Variants in MRNIP observed in about 807,000 individuals in gnomAD.
The protein encoded by MRNIP is MRN complex-interacting protein.
MRNIP carries 30 observed loss-of-function variants against 29.8 expected under a neutral mutation model. That is an observed-to-expected ratio of 1.01 (90% CI 0.75 to 1.36). The LOEUF (loss-of-function observed/expected upper bound fraction) is 1.36. Ranked by LOEUF, MRNIP falls within the 40% of genes most tolerant of loss-of-function variation. The pLI is 0.00. For synonymous variants in MRNIP, 201 were observed against 164.1 expected (o/e 1.23, Z -1.72); for missense variants, 459 against 423.5 (o/e 1.08, Z -0.74).
chr5:179,850,197 C>G (rs1183236940), intron 2 of MRNIP, among the ~76,000 whole-genome samples: 1 of 150,080 alleles, frequency 6.7e-6, no homozygotes, highest in African/African-American at 2.4e-5. Context: ...GCAGATGGTA[C>G]AAGACGGAAT....
In MRNIP at chr5:179,858,661, C is replaced by A. The variant is rs116492472; in HGVS notation, c.66+70G>T. The A allele has an allele frequency of 3.7e-3, 3,860 of 1,053,516 alleles. 103 individuals are homozygous for A. In the African/African-American group the frequency reaches 0.055, roughly 15 times the overall value. The allele number at this position is 1,053,516 out of a possible 1,614,324, so 65.3% of individuals were successfully genotyped here. ...TCCCGGAGCCATTCGAGACAACACC[C>A]ACAGCCCCGCCACTCCCCGTCCGCT... On this transcript the variant is annotated intron_variant, in intron 1 of 6. Coordinates refer to ENST00000292586, the MANE Select transcript of MRNIP (RefSeq NM_016175.4).
intron 4 of MRNIP, among the ~76,000 whole-genome samples, chr5:179,843,651 G>A (rs1161270491): frequency 1.3e-5 from 2 of 151,866 alleles, no homozygotes; most frequent in African/African-American, 4.8e-5. Context: ...GAGGTGGGAG[G>A]ATCACTTCAG....
intron 1 of MRNIP, among the ~76,000 whole-genome samples, chr5:179,855,915 T>TTG (rs1015698196): frequency 2.0e-5 from 3 of 148,556 alleles, no homozygotes; most frequent in Non-Finnish European, 4.4e-5. Context: ...TTGTTTTTTT[T>TTG]TTTTTTTTTT....
At chr5:179,840,708 C>A (rs938394222) in intron 6 of MRNIP, 164 bp downstream of exon 6, 2 of 643,886 alleles carry the variant, frequency 3.1e-6, no homozygotes, top group Non-Finnish European at 5.6e-6. Flanking sequence ...GGTACAGACC[C>A]GAGGAAGGAG....
intron 3 of MRNIP, chr5:179,847,339 T>C (rs1759181128): frequency 6.6e-6 from 1 of 152,046 alleles, no homozygotes; most frequent in African/African-American, 2.4e-5. Flanking sequence ...GGCTAATTTT[T>C]TTGTATTTTT....
rs766660920 is a variant in MRNIP, at chr5:179,844,102, T to C, written c.291+50A>G. 9.6e-6 allele frequency: 14 copies of C among 1,458,918 alleles called. No homozygotes were observed. In the Admixed American group the frequency reaches 1.5e-4, roughly 16 times the overall value. The allele number at this position is 1,458,918 out of a possible 1,614,324, so 90.4% of individuals were successfully genotyped here. On this transcript the variant is annotated intron_variant, in intron 4 of 6. Transcript: ENST00000292586. The stretch of plus-strand genomic sequence containing the variant: ...ACTACTGGATACATCTGTGCATTCA[T>C]CCCTTCCCTGACACAGAGCCAGCCT...
chr5:179,851,705 A>G (rs1010231567), intron 2 of MRNIP, among the ~76,000 whole-genome samples: 8 of 152,024 alleles, frequency 5.3e-5, no homozygotes, highest in Middle Eastern at 3.2e-3. Flanking sequence ...TCAGCCAGGC[A>G]CGGTGGCTCA....
chr5:179,842,211 G>A (rs1048167529), intron 4 of MRNIP, 147 bp from the exon 5 acceptor site: 28 of 804,532 alleles, frequency 3.5e-5, no homozygotes, highest in Admixed American at 1.8e-4. Context: ...GGTGATGGAC[G>A]CCAATACTAT....
chr5:179,850,707 C>T (rs759101216), intron 2 of MRNIP, among the ~76,000 whole-genome samples: 2 of 152,170 alleles, frequency 1.3e-5, no homozygotes, highest in East Asian at 1.9e-4. Flanking sequence ...TAACCAGTAG[C>T]GGTGTGCTCT....
chr5:179,850,874 G>A (rs11249661), intron 2 of MRNIP, among the ~76,000 whole-genome samples: 63,042 of 151,928 alleles, frequency 0.41, 14,529 homozygotes, highest in East Asian at 0.78. Flanking sequence ...AAAGCCTCTC[G>A]GTAGCTCCTC....
chr5:179,845,552 G>A (rs527958413), intron 3 of MRNIP, among the ~76,000 whole-genome samples: 1 of 151,142 alleles, frequency 6.6e-6, no homozygotes, highest in Non-Finnish European at 1.5e-5. Flanking sequence ...CTTGAGCCTG[G>A]GAGGCGGAGG....
intron 2 of MRNIP, among the ~76,000 whole-genome samples, chr5:179,852,285 C>CA (rs76075703): frequency 0.057 from 5,916 of 103,420 alleles, 118 homozygotes; most frequent in African/African-American, 0.066. Context: ...GACTCCATGT[C>CA]AAAAAAAAAA....
chr5:179,853,672 T>C (rs1263877701), intron 1 of MRNIP, among the ~76,000 whole-genome samples: 2 of 151,996 alleles, frequency 1.3e-5, no homozygotes, highest in African/African-American at 4.8e-5. Flanking sequence ...CTCAGGAGGC[T>C]GAGACAGGAG....
rs745917591 is a variant in MRNIP, at chr5:179,840,877, G to A, written c.532C>T (p.Gln178Ter). 2 of 1,608,138 alleles carry A rather than the reference G, an allele frequency of 1.2e-6. No individual in the cohort carries two copies. Among genetic ancestry groups the A allele is most frequent in the South Asian group, 2.2e-5 (2 of 90,118 alleles). The change falls in exon 6 of 7, where the codon CAG becomes TAG. Residue 178 changes from glutamine to a stop codon, truncating the protein, a stop_gained. Coordinates refer to ENST00000292586, the MANE Select transcript of MRNIP (RefSeq NM_016175.4). LOFTEE classifies it low-confidence loss of function (END_TRUNC). ...SGGSEVAWGP[Q>*]KGQAGLTWKV... ...AGAAACTGTTTGTCACTGACCTTCTGGGGTCCCCAGGCGACCTCAGAGCCA... is the reference window on the plus strand; with the variant it reads ...AGAAACTGTTTGTCACTGACCTTCTAGGGTCCCCAGGCGACCTCAGAGCCA...
intron 4 of MRNIP, among the ~76,000 whole-genome samples, chr5:179,842,913 A>G (rs913427830): frequency 6.0e-5 from 9 of 150,890 alleles, no homozygotes; most frequent in Non-Finnish European, 8.9e-5. Context: ...CGTGCCTGTA[A>G]TCCCAGCTTC....
intron 4 of MRNIP, among the ~76,000 whole-genome samples, chr5:179,842,311 C>A (rs1021007111): frequency 6.6e-6 from 1 of 152,034 alleles, no homozygotes; most frequent in Non-Finnish European, 1.5e-5. Context: ...GTCTATGCTC[C>A]CTGGCCCAGT....
chr5:179,837,743 G>A lies in MRNIP; in HGVS notation c.680C>T (p.Ser227Phe), dbSNP rs1198001257. The A allele has an allele frequency of 6.2e-7, 1 of 1,614,262 alleles. No homozygotes were observed. The highest frequency in any genetic ancestry group is 8.5e-7 in the Non-Finnish European group (1 of 1,180,050). Residue 227 changes from serine (S) to phenylalanine (F), a missense_variant, in exon 7 of 7, where the codon TCT becomes TTT. Ser to Phe is a radical substitution (Grantham distance 155). Transcript: ENST00000292586. ...SPIQQVTATS[S>F]KWAQFVLPPR... is the part of the protein sequence containing the mutation. ...TGGCAGGACAAATTGCGCCCATTTA[G>A]AGGATGTGGCTGTAACCTGCTGGAT...
intron 1 of MRNIP, among the ~76,000 whole-genome samples, chr5:179,856,665 G>A (rs760094617): frequency 1.3e-5 from 2 of 152,180 alleles, no homozygotes; most frequent in African/African-American, 2.4e-5. Context: ...TAGAGACAAG[G>A]TCTCGCTACG....
At chr5:179,857,328 G>A (rs1759632157) in intron 1 of MRNIP, among the ~76,000 whole-genome samples, 1 of 152,052 alleles carries the variant, frequency 6.6e-6, no homozygotes, top group African/African-American at 2.4e-5. Flanking sequence ...GGGCTTGGTG[G>A]CGCGCGCCTG....
Sources: gnomAD v4.1 joint callset for allele counts (sites outside exome capture counted in the v4.1 genomes callset) on GRCh38, gnomAD v4.1.1 for gene constraint, MANE v1.5 for transcripts, NCBI Gene and HGNC (gene_info 2026-07-23, HGNC 2026-07-21) for gene names.